Variants in CRIM1 observed in about 807,000 individuals in gnomAD.
The protein encoded by CRIM1 is cysteine rich transmembrane BMP regulator 1, also known as cysteine-rich motor neuron 1 protein.
In CRIM1, 32 loss-of-function variants were observed where a neutral mutation model predicts 116.4. The ratio of observed to expected loss-of-function variants is 0.27; its 90% CI spans 0.21 to 0.37. CRIM1 has a LOEUF of 0.37. Ranked by LOEUF, CRIM1 falls within the 10% of genes least tolerant of loss-of-function variation. CRIM1 has a pLI of 1.00. For missense variants in CRIM1, 1,331 were observed against 1,354.8 expected (o/e 0.98, Z 0.28); for synonymous variants, 590 against 509.2 (o/e 1.16, Z -2.13).
At chr2:36,542,358 T>TCTAA (rs1414525622) in intron 14 of CRIM1, among the ~76,000 whole-genome samples, 3 of 152,212 alleles carry the variant, frequency 2.0e-5, no homozygotes, top group African/African-American at 4.8e-5. Flanking sequence ...GACAGATCCT[T>TCTAA]CTAACTTTCC....
At chr2:36,534,245 G>C (rs1347266056) in intron 13 of CRIM1, among the ~76,000 whole-genome samples, 9 of 136,156 alleles carry the variant, frequency 6.6e-5, no homozygotes, top group Non-Finnish European at 1.3e-4. Context: ...GGGGAAGGAG[G>C]GAGGGGGAAG....
rs149226372 is a variant in CRIM1, at chr2:36,359,828, A to T, written c.331+3205A>T. On this transcript the variant is annotated intron_variant, in intron 1 of 16. Coordinates refer to ENST00000280527, the MANE Select transcript of CRIM1 (RefSeq NM_016441.3). ...TTTTTCCTACTTTCTGTCAGTCTAG[A>T]AAGTGCTTTTTGGAACTTAGGAGAG... Among the ~76,000 whole-genome samples the T allele has an allele frequency of 5.2e-3, 796 of 152,318 alleles. 4 individuals carry two copies. The highest frequency in any genetic ancestry group is 0.017 in the African/African-American group (716 of 41,564).
chr2:36,499,256 G>A lies in CRIM1; in HGVS notation c.1410G>A (p.Gly470=), dbSNP rs759367951. Residue 470 remains glycine, a synonymous_variant, in exon 8 of 17, where the codon GGG becomes GGA. Coordinates refer to ENST00000280527, the MANE Select transcript of CRIM1 (RefSeq NM_016441.3). ...TCACAGTTGATCCACCTGCATGTGG[G>A]GAGTTATCAAACTGCACTCTGACAG... is the stretch of plus-strand genomic sequence containing the variant. ...TIITVDPPAC[G]ELSNCTLTGK... is the part of the protein sequence containing the mutation. 1.1e-5 allele frequency: 18 copies of A among 1,612,640 alleles called. No individual in the cohort carries two copies. The highest frequency in any genetic ancestry group is 1.4e-5 in the Non-Finnish European group (16 of 1,178,862).
intron 4 of CRIM1, among the ~76,000 whole-genome samples, chr2:36,447,183 A>G (rs1443953407): frequency 1.3e-5 from 2 of 152,186 alleles, no homozygotes; most frequent in African/African-American, 4.8e-5. Flanking sequence ...GAAAATCACA[A>G]ATTTTCCTTG....
At chr2:36,405,456 G>C (rs1572658455) in intron 2 of CRIM1, among the ~76,000 whole-genome samples, 2 of 152,298 alleles carry the variant, frequency 1.3e-5, no homozygotes, top group East Asian at 3.9e-4. Flanking sequence ...TGGGTATCAT[G>C]CACTGAGGGT....
rs79627739 is a variant in CRIM1, at chr2:36,532,466, C to T, written c.2429-4886C>T. Among the ~76,000 whole-genome samples the T allele has an allele frequency of 8.7e-3, 1,327 of 152,268 alleles. 19 individuals are homozygous for T. Among genetic ancestry groups the T allele is most frequent in the African/African-American group, 0.031 (1,274 of 41,538 alleles). On this transcript the variant is annotated intron_variant, in intron 13 of 16. Transcript: ENST00000280527. The stretch of plus-strand genomic sequence containing the variant: ...CAGGAATCCTAAATTACCTAAATAA[C>T]CCACTTGGTTATCTCCACTCCTTGA...
At chr2:36,413,825 G>A (rs1673397063) in intron 2 of CRIM1, among the ~76,000 whole-genome samples, 1 of 152,140 alleles carries the variant, frequency 6.6e-6, no homozygotes, top group African/African-American at 2.4e-5. Flanking sequence ...CTTGTAAAGT[G>A]TATGTATTTG....
chr2:36,439,333 A>AAAT (rs953010085), intron 2 of CRIM1, among the ~76,000 whole-genome samples: 1 of 152,092 alleles, frequency 6.6e-6, no homozygotes, highest in Admixed American at 6.5e-5. Context: ...TCCTCCCCAG[A>AAAT]TATTGTGTGC....
chr2:36,379,401 A>AGGACATCTGATTTATG (rs1670558891), intron 1 of CRIM1, among the ~76,000 whole-genome samples: 2 of 152,250 alleles, frequency 1.3e-5, no homozygotes, highest in South Asian at 2.1e-4. Flanking sequence ...GAGTTGTCAC[A>AGGACATCTGATTTATG]GGACATCTGA....
intron 4 of CRIM1, among the ~76,000 whole-genome samples, chr2:36,454,206 CT>C (rs944900271): frequency 6.6e-6 from 1 of 152,170 alleles, no homozygotes; most frequent in Non-Finnish European, 1.5e-5. Flanking sequence ...TAGTGTACTT[CT>C]GGTGGGCTAA....
At chr2:36,471,757 ACACC>A (rs1387207501) in intron 5 of CRIM1, among the ~76,000 whole-genome samples, 1,660 of 128,548 alleles carry the variant, frequency 0.013, 30 homozygotes, top group African/African-American at 0.045. Context: ...ACACACACAC[ACACC>A]ATCTTACAAT....
At chr2:36,441,545 A>G (rs1675827371) in intron 3 of CRIM1, 45 bp downstream of exon 3, 1 of 1,593,286 alleles carries the variant, frequency 6.3e-7, no homozygotes, top group African/African-American at 1.3e-5. Context: ...TTTGCATCAG[A>G]GGGTAGCAGA....
chr2:36,363,552 T>C (rs989905797), intron 1 of CRIM1, among the ~76,000 whole-genome samples: 1 of 135,116 alleles, frequency 7.4e-6, no homozygotes, highest in Non-Finnish European at 1.6e-5. Flanking sequence ...ATGACTATCT[T>C]TTTATACCTT....
chr2:36,479,846 T>C (rs1679272470), intron 7 of CRIM1, 152 bp downstream of exon 7: 1 of 727,616 alleles, frequency 1.4e-6, no homozygotes, highest in Admixed American at 2.4e-5. Flanking sequence ...CAGCTCAAAC[T>C]GATGATTTGA....
intron 2 of CRIM1, among the ~76,000 whole-genome samples, chr2:36,408,348 T>C (rs1672966535): frequency 1.3e-5 from 2 of 152,166 alleles, no homozygotes; most frequent in Admixed American, 6.5e-5. Context: ...TGGCTGTAGG[T>C]GACCTCTCAG....
chr2:36,444,636 CA>C (rs1337865805), intron 4 of CRIM1, among the ~76,000 whole-genome samples: 2 of 152,336 alleles, frequency 1.3e-5, no homozygotes, highest in East Asian at 3.9e-4. Context: ...GGAAGTCATT[CA>C]ACATCCCACT....
intron 7 of CRIM1, among the ~76,000 whole-genome samples, chr2:36,490,676 G>C (rs3899034): frequency 5.9e-5 from 9 of 151,920 alleles, no homozygotes; most frequent in African/African-American, 2.2e-4. Flanking sequence ...ACTTCTGGGA[G>C]AGCTGGATCC....
chr2:36,374,356 G>A (rs1410529958), intron 1 of CRIM1, among the ~76,000 whole-genome samples: 1 of 152,186 alleles, frequency 6.6e-6, no homozygotes, highest in Non-Finnish European at 1.5e-5. Flanking sequence ...TTTAAAGAAT[G>A]CTACTGTAAA....
chr2:36,369,146 C>G (rs1047542334), intron 1 of CRIM1: 1 of 152,222 alleles, frequency 6.6e-6, no homozygotes, highest in Admixed American at 6.5e-5. Flanking sequence ...TTTTAAACCT[C>G]TGCGGCAGTA....
Sources: allele counts gnomAD v4.1 joint callset (sites outside exome capture counted in the v4.1 genomes callset), GRCh38; gene constraint gnomAD v4.1.1; transcripts MANE v1.5; gene names NCBI Gene and HGNC (gene_info 2026-07-23, HGNC 2026-07-21).